The following KIF13B variants were observed in gnomAD, a reference collection of about 807,000 sequenced individuals.
KIF13B encodes the protein kinesin-like protein KIF13B.
Under a neutral mutation model 222.0 loss-of-function variants are expected in KIF13B, and 127 were observed. The ratio of observed to expected loss-of-function variants is 0.57; its 90% CI spans 0.50 to 0.66. The LOEUF is 0.66. KIF13B is among the 30% of genes least tolerant of loss of function. The pLI, the probability that KIF13B is intolerant of heterozygous loss-of-function variation, is 0.00. For missense variants in KIF13B, 2,173 were observed against 2,379.0 expected (o/e 0.91, Z 1.80); for synonymous variants, 976 against 919.0 (o/e 1.06, Z -1.12).
intron 25 of KIF13B, 95 bp downstream of exon 25, chr8:29,127,027 G>T: frequency 2.8e-6 from 3 of 1,083,342 alleles, no homozygotes; most frequent in Non-Finnish European, 4.0e-6. Context: ...TTCACGGAAA[G>T]AAATGTTCAT....
chr8:29,159,757 G>A (rs1811693265), intron 13 of KIF13B, among the ~76,000 whole-genome samples: 2 of 152,152 alleles, frequency 1.3e-5, no homozygotes, highest in Non-Finnish European at 1.5e-5. Context: ...ATGAAGGTAT[G>A]CATCAAAGAC....
intron 2 of KIF13B, among the ~76,000 whole-genome samples, chr8:29,198,380 G>A (rs928108768): frequency 1.3e-5 from 2 of 151,862 alleles, no homozygotes; most frequent in East Asian, 3.9e-4. Context: ...GGAGTACAGT[G>A]GCGTGATCTT....
chr8:29,087,416 TA>T (rs1285725303), intron 37 of KIF13B, among the ~76,000 whole-genome samples: 1 of 152,220 alleles, frequency 6.6e-6, no homozygotes, highest in Non-Finnish European at 1.5e-5. Context: ...AAGATCTTGA[TA>T]TCCTGGGAAT....
At chr8:29,249,955 T>C (rs1199371844) in intron 1 of KIF13B, 1 of 1,067,666 alleles carries the variant, frequency 9.4e-7, no homozygotes, top group East Asian at 5.9e-5. Context: ...TCAGCCACAC[T>C]GCAACAAGTT....
intron 28 of KIF13B, 113 bp downstream of exon 28, chr8:29,123,253 T>A: frequency 8.5e-7 from 1 of 1,173,758 alleles, no homozygotes; most frequent in East Asian, 2.5e-5. Flanking sequence ...TAAACAACAT[T>A]TCCCCCCATG....
intron 37 of KIF13B, among the ~76,000 whole-genome samples, chr8:29,076,943 C>T (rs1203598376): frequency 6.6e-6 from 1 of 152,024 alleles, no homozygotes; most frequent in East Asian, 1.9e-4. Flanking sequence ...CCACCACACT[C>T]CACCCTGGGC....
chr8:29,211,800 T>C (rs1315891160), intron 2 of KIF13B, among the ~76,000 whole-genome samples: 1 of 152,252 alleles, frequency 6.6e-6, no homozygotes, highest in Non-Finnish European at 1.5e-5. Context: ...GAATTGCTAA[T>C]TGCTACAATT....
chr8:29,152,281 G>A (rs1811332272), intron 14 of KIF13B, among the ~76,000 whole-genome samples: 1 of 152,318 alleles, frequency 6.6e-6, no homozygotes, highest in Non-Finnish European at 1.5e-5. Context: ...TGACAACAGA[G>A]GGTTTAGAAT....
At chr8:29,190,775 A>G in intron 4 of KIF13B, 2 of 556,762 alleles carry the variant, frequency 3.6e-6, no homozygotes, top group Non-Finnish European at 6.6e-6. Context: ...ATCGGAACTG[A>G]GTTAGAGGAC....
intron 37 of KIF13B, among the ~76,000 whole-genome samples, chr8:29,089,310 G>A (rs377466487): frequency 1.4e-4 from 21 of 152,064 alleles, no homozygotes; most frequent in South Asian, 4.2e-4. Flanking sequence ...GTGATGGAGC[G>A]CACTTGTAGT....
At chr8:29,227,289 CTTTA>C (rs949262229) in intron 2 of KIF13B, among the ~76,000 whole-genome samples, 1 of 151,748 alleles carries the variant, frequency 6.6e-6, no homozygotes, top group Non-Finnish European at 1.5e-5. Flanking sequence ...GTGGTTTACA[CTTTA>C]TTTTTTATTT....
intron 1 of KIF13B, among the ~76,000 whole-genome samples, chr8:29,254,768 G>C (rs187584777): frequency 2.0e-5 from 3 of 152,304 alleles, no homozygotes; most frequent in Admixed American, 2.0e-4. Context: ...ATATGACTCA[G>C]AAATTCCACT....
In KIF13B at chr8:29,070,401, C is replaced by T. The variant is rs1807196704; in HGVS notation, c.*103G>A. The T allele has an allele frequency of 7.6e-7, 1 of 1,317,126 alleles. No individual in the cohort carries two copies. The highest frequency in any genetic ancestry group is 1.1e-6 in the Non-Finnish European group (1 of 948,598). The allele number at this position is 1,317,126 out of a possible 1,614,324, so 81.6% of individuals were successfully genotyped here. On this transcript the variant is annotated 3_prime_UTR_variant, in exon 40 of 40. Coordinates refer to ENST00000524189, the MANE Select transcript of KIF13B (RefSeq NM_015254.4). The surrounding 1 kb of genome is among the most constrained non-coding windows in gnomAD (Gnocchi z 4.1). The stretch of plus-strand genomic sequence containing the variant: ...GTGCAAAAAGCATTCATCGCCCTGC[C>T]CCTGGGGAAGGGGCCACCGGGCTCC...
At chr8:29,156,265 C>G (rs1811521452) in intron 13 of KIF13B, among the ~76,000 whole-genome samples, 1 of 152,164 alleles carries the variant, frequency 6.6e-6, no homozygotes, top group South Asian at 2.1e-4. Context: ...GTCACCATGC[C>G]TGGCCTAAAA....
At chr8:29,089,446 A>C (rs893799987) in intron 37 of KIF13B, among the ~76,000 whole-genome samples, 1 of 152,088 alleles carries the variant, frequency 6.6e-6, no homozygotes, top group African/African-American at 2.4e-5. Flanking sequence ...CTCTAAAATA[A>C]TATTATTATA....
intron 3 of KIF13B, among the ~76,000 whole-genome samples, chr8:29,195,584 G>A (rs62502837): frequency 6.6e-6 from 1 of 152,070 alleles, no homozygotes; most frequent in African/African-American, 2.4e-5. Context: ...TAAATTTCCT[G>A]GAAGTTCCAA....
chr8:29,237,156 T>C (rs891181259), intron 2 of KIF13B, among the ~76,000 whole-genome samples: 2 of 152,106 alleles, frequency 1.3e-5, no homozygotes, highest in African/African-American at 4.8e-5. Context: ...TACTGCTCCC[T>C]CCATCTTTAA....
At chr8:29,127,484 CA>C (rs1810165821) in intron 24 of KIF13B, among the ~76,000 whole-genome samples, 2 of 152,142 alleles carry the variant, frequency 1.3e-5, no homozygotes, top group African/African-American at 4.8e-5. Context: ...TATATGTTTA[CA>C]TATTCTTTCA....
chr8:29,075,241 G>A (rs781360910), intron 38 of KIF13B, 40 bp downstream of exon 38: 20 of 1,514,218 alleles, frequency 1.3e-5, no homozygotes, highest in African/African-American at 1.2e-4. Context: ...CCACCTGCTC[G>A]CTGTAGGTGG....
Sources: gnomAD v4.1 joint callset for allele counts (sites outside exome capture counted in the v4.1 genomes callset) on GRCh38, gnomAD v4.1.1 for gene constraint, Gnocchi (gnomAD v3.1) non-coding constraint, MANE v1.5 for transcripts, NCBI Gene and HGNC (gene_info 2026-07-23, HGNC 2026-07-21) for gene names.